The following TRPC6 variants were observed in gnomAD, a reference collection of about 807,000 sequenced individuals.
TRPC6 encodes transient receptor potential cation channel subfamily C member 6.
Under a neutral mutation model 90.7 loss-of-function variants are expected in TRPC6, and 55 were observed. That is an observed-to-expected ratio of 0.61 (90% CI 0.49 to 0.76). The LOEUF is 0.76. Among genes scored for constraint, TRPC6 ranks in the 30% least tolerant of loss-of-function variants. The pLI is 0.00. For missense variants in TRPC6, 989 were observed against 1,122.7 expected, an observed-to-expected ratio of 0.88 and a Z score of 1.70; for synonymous variants, 393 against 393.0, an observed-to-expected ratio of 1.00 and a Z score of 0.00.
At chr11:101,567,921 G>A (rs539329055) in intron 1 of TRPC6, among the ~76,000 whole-genome samples, 20 of 152,264 alleles carry the variant, frequency 1.3e-4, no homozygotes, top group East Asian at 1.2e-3. Flanking sequence ...AGAAACCAGC[G>A]CAAAAGGCTG....
chr11:101,479,936 T>C (rs576264992), intron 5 of TRPC6, among the ~76,000 whole-genome samples: 1 of 152,276 alleles, frequency 6.6e-6, no homozygotes, highest in South Asian at 2.1e-4. Context: ...CCCAGCACTT[T>C]GGGAGGCCGA....
At chr11:101,508,751 TG>T (rs1860330696) in intron 1 of TRPC6, among the ~76,000 whole-genome samples, 1 of 152,058 alleles carries the variant, frequency 6.6e-6, no homozygotes, top group African/African-American at 2.4e-5. Context: ...AAAAGTAAGA[TG>T]AAAGTACTGG....
At chr11:101,469,041 C>T (rs17093587) in intron 10 of TRPC6, among the ~76,000 whole-genome samples, 2,917 of 152,254 alleles carry the variant, frequency 0.019, 95 homozygotes, top group African/African-American at 0.065. Context: ...CTTTTTCCAT[C>T]GCTTCTTGAT....
chr11:101,551,853 A>C (rs769986227), intron 1 of TRPC6, among the ~76,000 whole-genome samples: 63 of 152,084 alleles, frequency 4.1e-4, no homozygotes, highest in Non-Finnish European at 7.5e-4. Context: ...ATTGCTCATT[A>C]CAAAAGATTT....
intron 1 of TRPC6, among the ~76,000 whole-genome samples, chr11:101,579,797 CA>C (rs1862152856): frequency 6.6e-6 from 1 of 152,104 alleles, no homozygotes; most frequent in Admixed American, 6.5e-5. Context: ...ATGCAGGGCA[CA>C]GGGGTATCTC....
chr11:101,487,729 A>G (rs545228050), intron 4 of TRPC6, among the ~76,000 whole-genome samples: 11 of 152,314 alleles, frequency 7.2e-5, no homozygotes, highest in Admixed American at 5.2e-4. Flanking sequence ...CATTTATATT[A>G]TGAATCTGAG....
chr11:101,550,188 C>T (rs68067131), intron 1 of TRPC6, among the ~76,000 whole-genome samples: 36,793 of 151,210 alleles, frequency 0.24, 4,783 homozygotes, highest in East Asian at 0.4. Flanking sequence ...CTTACATATG[C>T]CCAACAATTA....
chr11:101,471,405 C>G lies in TRPC6; in HGVS notation c.2206-19G>C, dbSNP rs754329354. The stretch of plus-strand genomic sequence containing the variant: ...CGTCATCCTATACAAATACACATGA[C>G]AGTTCAGCAAGGAAATGCATAAACA... On this transcript the variant is annotated intron_variant, in intron 8 of 12. Coordinates refer to ENST00000344327, the MANE Select transcript of TRPC6 (RefSeq NM_004621.6). The G allele has an allele frequency of 1.2e-6, 2 of 1,612,738 alleles. No homozygotes were observed. Among genetic ancestry groups the G allele is most frequent in the Admixed American group, 1.7e-5 (1 of 59,976 alleles).
intron 10 of TRPC6, among the ~76,000 whole-genome samples, chr11:101,456,033 A>G (rs1046012239): frequency 2.0e-5 from 3 of 152,068 alleles, no homozygotes; most frequent in Non-Finnish European, 4.4e-5. Flanking sequence ...TTTTTCATGT[A>G]TCTATTATTT....
At chr11:101,519,152 T>C (rs901896740) in intron 1 of TRPC6, among the ~76,000 whole-genome samples, 33 of 152,292 alleles carry the variant, frequency 2.2e-4, no homozygotes, top group African/African-American at 7.0e-4. Flanking sequence ...CCATAGTCAA[T>C]AATGACTTAA....
chr11:101,512,287 G>C (rs1295215522), intron 1 of TRPC6, among the ~76,000 whole-genome samples: 1 of 152,156 alleles, frequency 6.6e-6, no homozygotes, highest in Non-Finnish European at 1.5e-5. Context: ...AAGAGCCTGA[G>C]CTACTTGTCA....
At chr11:101,531,826 G>A (rs528271414) in intron 1 of TRPC6, among the ~76,000 whole-genome samples, 16 of 151,988 alleles carry the variant, frequency 1.1e-4, no homozygotes, top group South Asian at 2.1e-4. Flanking sequence ...TCTTCTCCCC[G>A]TTCTTTCTGC....
intron 1 of TRPC6, among the ~76,000 whole-genome samples, chr11:101,533,700 G>A (rs2136803533): frequency 6.6e-6 from 1 of 152,180 alleles, no homozygotes; most frequent in East Asian, 1.9e-4. Flanking sequence ...CTTAAGTTTT[G>A]GCCGTTATTT....
At chr11:101,534,582 T>C (rs1260151358) in intron 1 of TRPC6, among the ~76,000 whole-genome samples, 3 of 150,558 alleles carry the variant, frequency 2.0e-5, no homozygotes, top group African/African-American at 7.3e-5. Context: ...AGGAAGTTTA[T>C]TAAAAAAAAA....
intron 1 of TRPC6, among the ~76,000 whole-genome samples, chr11:101,550,970 AT>A (rs1356504925): frequency 1.2e-4 from 18 of 151,938 alleles, no homozygotes; most frequent in Admixed American, 1.1e-3. Context: ...ATAATGAAAT[AT>A]TTAATTTTGG....
chr11:101,582,670 C>T (rs889535487), intron 1 of TRPC6, among the ~76,000 whole-genome samples: 4 of 152,162 alleles, frequency 2.6e-5, no homozygotes, highest in African/African-American at 7.2e-5. Context: ...TCTCCCAGCC[C>T]CTAACAGGCT....
At chr11:101,459,048 ATCT>A (rs1224419091) in intron 10 of TRPC6, among the ~76,000 whole-genome samples, 1 of 152,234 alleles carries the variant, frequency 6.6e-6, no homozygotes. Flanking sequence ...GCCTTAAAAA[ATCT>A]TCTCAGGAAT....
intron 1 of TRPC6, among the ~76,000 whole-genome samples, chr11:101,566,818 G>GGACT (rs1020341741): frequency 2.8e-4 from 43 of 152,128 alleles, no homozygotes; most frequent in African/African-American, 1.0e-3. Flanking sequence ...AAGCCATTAG[G>GGACT]GACTGTACCG....
intron 1 of TRPC6, among the ~76,000 whole-genome samples, chr11:101,580,488 A>G (rs775086981): frequency 1.3e-5 from 2 of 152,174 alleles, no homozygotes; most frequent in Non-Finnish European, 2.9e-5. Context: ...TTATTTAACT[A>G]TTAAGGCCTT....
Sources: gnomAD v4.1 joint callset for allele counts (sites outside exome capture counted in the v4.1 genomes callset) on GRCh38, gnomAD v4.1.1 for gene constraint, MANE v1.5 for transcripts, NCBI Gene and HGNC (gene_info 2026-07-23, HGNC 2026-07-21) for gene names.